Variants in ACSS3 observed in about 807,000 individuals in gnomAD.
ACSS3 encodes the protein acyl-CoA synthetase short-chain family member 3, mitochondrial.
In ACSS3, 64 loss-of-function variants were observed where a neutral mutation model predicts 84.2. The observed-to-expected ratio is 0.76, with a 90% CI of 0.62 to 0.94. ACSS3 has a LOEUF of 0.94. Ranked by LOEUF, ACSS3 falls within the 40% of genes least tolerant of loss-of-function variation. The probability of loss-of-function intolerance (pLI) is 0.00; values close to 1 mark genes in which losing one functional copy is unlikely to be tolerated. For synonymous variants in ACSS3, 317 were observed against 310.1 expected (o/e 1.02, Z -0.23); for missense variants, 815 against 867.6 (o/e 0.94, Z 0.76).
At chr12:81,232,912 A>G (rs1036565752) in intron 12 of ACSS3, among the ~76,000 whole-genome samples, 1 of 151,794 alleles carries the variant, frequency 6.6e-6, no homozygotes, top group African/African-American at 2.4e-5. Flanking sequence ...CTTGAGTCCA[A>G]TCCTAACCCA....
intron 7 of ACSS3, among the ~76,000 whole-genome samples, chr12:81,156,625 G>A (rs4842296): frequency 6.6e-6 from 1 of 152,280 alleles, no homozygotes; most frequent in African/African-American, 2.4e-5. Flanking sequence ...CACTAAAGAC[G>A]CTGCAGACAT....
intron 8 of ACSS3, among the ~76,000 whole-genome samples, chr12:81,182,224 G>A (rs970235666): frequency 1.3e-5 from 2 of 152,152 alleles, no homozygotes; most frequent in Non-Finnish European, 2.9e-5. Context: ...AGCCTTACAG[G>A]CCAGGGGAAA....
chr12:81,098,200 G>A (rs1185378075), intron 1 of ACSS3, among the ~76,000 whole-genome samples: 4 of 150,166 alleles, frequency 2.7e-5, no homozygotes, highest in African/African-American at 9.8e-5. Context: ...CCTGCGATAG[G>A]ATGGTGTCCT....
intron 2 of ACSS3, chr12:81,118,173 C>G (rs373850605): frequency 3.9e-5 from 6 of 152,062 alleles, no homozygotes; most frequent in Non-Finnish European, 8.8e-5. Flanking sequence ...CACTATCCCC[C>G]CCTCCACTCA....
At chr12:81,137,031 C>T (rs1338172792) in intron 3 of ACSS3, among the ~76,000 whole-genome samples, 1 of 151,976 alleles carries the variant, frequency 6.6e-6, no homozygotes, top group Non-Finnish European at 1.5e-5. Context: ...CCCCTGAGTA[C>T]TAGGTATAGA....
chr12:81,139,372 T>C, intron 4 of ACSS3, 107 bp downstream of exon 4: 1 of 1,213,484 alleles, frequency 8.2e-7, no homozygotes, highest in South Asian at 1.5e-5. Flanking sequence ...TTAAGTATAC[T>C]GCTGAATGTT....
At chr12:81,127,584 TA>T (rs1354839527) in intron 2 of ACSS3, among the ~76,000 whole-genome samples, 2 of 152,208 alleles carry the variant, frequency 1.3e-5, no homozygotes, top group African/African-American at 4.8e-5. Context: ...ATACTTTTAG[TA>T]ATCTGTTTCC....
At chr12:81,092,068 A>G (rs951462549) in intron 1 of ACSS3, among the ~76,000 whole-genome samples, 1 of 152,130 alleles carries the variant, frequency 6.6e-6, no homozygotes, top group Non-Finnish European at 1.5e-5. Flanking sequence ...CAGATTTAAA[A>G]ACGAGCTGTG....
chr12:81,213,845 C>CTCTTCTCTTCTCTTCTCTTCTCTT (rs1565723859), intron 9 of ACSS3, among the ~76,000 whole-genome samples: 1 of 20,494 alleles, frequency 4.9e-5, no homozygotes, highest in Non-Finnish European at 1.4e-4. Flanking sequence ...TCTCTTCTCT[C>CTCTTCTCTTCTCTTCTCTTCTCTT]CTCTCCTCTC....
At position 81,175,767 on chromosome 12, in the gene ACSS3, T is replaced by A. The variant is rs568082547; in HGVS notation, c.1250+828T>A. ...TCCTGGGTGACTTTTGGGTAAACAA[T>A]GAAATTAAGGTAGAAATCAAGAAAT... On this transcript the variant is annotated intron_variant, in intron 8 of 15. Coordinates refer to ENST00000548058, the MANE Select transcript of ACSS3 (RefSeq NM_024560.4). Among the ~76,000 whole-genome samples the A allele has an allele frequency of 1.3e-3, 200 of 152,150 alleles. 1 individual carries two copies. The highest frequency in any genetic ancestry group is 2.4e-3 in the Non-Finnish European group (163 of 67,980).
intron 5 of ACSS3, among the ~76,000 whole-genome samples, chr12:81,146,682 A>G (rs1886356804): frequency 6.6e-6 from 1 of 152,206 alleles, no homozygotes; most frequent in Non-Finnish European, 1.5e-5. Context: ...TTCTTTGCAT[A>G]CATTTCTGTT....
At chr12:81,131,026 T>C (rs1593105563) in intron 2 of ACSS3, among the ~76,000 whole-genome samples, 1 of 152,236 alleles carries the variant, frequency 6.6e-6, no homozygotes, top group South Asian at 2.1e-4. Flanking sequence ...TTTTGGTTAC[T>C]GTAGCCTTGT....
intron 8 of ACSS3, among the ~76,000 whole-genome samples, chr12:81,198,436 G>T (rs193105698): frequency 6.6e-6 from 1 of 151,942 alleles, no homozygotes; most frequent in Non-Finnish European, 1.5e-5. Context: ...AAAATTAAGC[G>T]AATAGTAAAA....
intron 8 of ACSS3, among the ~76,000 whole-genome samples, chr12:81,176,600 A>T (rs1344764700): frequency 4.0e-5 from 6 of 149,612 alleles, no homozygotes; most frequent in South Asian, 4.2e-4. Context: ...ATACAAAAAT[A>T]AAAAAAAAAT....
intron 1 of ACSS3, among the ~76,000 whole-genome samples, chr12:81,109,143 C>G (rs188127025): frequency 7.0e-4 from 107 of 152,252 alleles, no homozygotes; most frequent in African/African-American, 2.5e-3. Flanking sequence ...GTAAGTTTTT[C>G]TATTTGCAGC....
intron 11 of ACSS3, among the ~76,000 whole-genome samples, chr12:81,220,307 C>CT (rs958363592): frequency 4.1e-4 from 63 of 151,866 alleles, no homozygotes; most frequent in African/African-American, 1.4e-3. Flanking sequence ...TTTTAAATAA[C>CT]TTTTTTTTCA....
intron 8 of ACSS3, among the ~76,000 whole-genome samples, chr12:81,187,223 G>A (rs1166987903): frequency 6.6e-6 from 1 of 151,646 alleles, no homozygotes; most frequent in Non-Finnish European, 1.5e-5. Flanking sequence ...AAGGGGAAAT[G>A]AACAGATATT....
intron 9 of ACSS3, among the ~76,000 whole-genome samples, chr12:81,203,812 G>A (rs1251068103): frequency 6.6e-6 from 1 of 152,110 alleles, no homozygotes; most frequent in Non-Finnish European, 1.5e-5. Context: ...TCACCCAGAT[G>A]TATTATCTTC....
chr12:81,097,524 G>A (rs1165666391), intron 1 of ACSS3, among the ~76,000 whole-genome samples: 1 of 152,000 alleles, frequency 6.6e-6, no homozygotes, highest in Non-Finnish European at 1.5e-5. Context: ...ACACCTCCCT[G>A]CTTCCATCTT....
Sources: gnomAD v4.1 joint callset for allele counts (sites outside exome capture counted in the v4.1 genomes callset) on GRCh38, gnomAD v4.1.1 for gene constraint, MANE v1.5 for transcripts, NCBI Gene and HGNC (gene_info 2026-07-23, HGNC 2026-07-21) for gene names.